Variants in TIMP3 observed in about 807,000 individuals in gnomAD.
TIMP3 encodes TIMP metallopeptidase inhibitor 3, also known as metalloproteinase inhibitor 3.
In TIMP3, 11 loss-of-function variants were observed where a neutral mutation model predicts 30.0. That is an observed-to-expected ratio of 0.37 (90% CI 0.23 to 0.61). TIMP3 has a LOEUF of 0.61. Among genes scored for constraint, TIMP3 ranks in the 20% least tolerant of loss-of-function variants. TIMP3 has a pLI of 0.70. For missense variants in TIMP3, 181 were observed against 276.8 expected (o/e 0.65, Z 2.45); for synonymous variants, 112 against 111.3 (o/e 1.01, Z -0.04).
intron 1 of TIMP3, among the ~76,000 whole-genome samples, chr22:32,817,509 A>G (rs940926381): frequency 3.9e-5 from 6 of 152,204 alleles, no homozygotes; most frequent in African/African-American, 1.4e-4. Context: ...AGGAAGTATC[A>G]TCTGCATTAC....
intron 1 of TIMP3, among the ~76,000 whole-genome samples, chr22:32,806,785 C>CATCT (rs130271): frequency 6.6e-6 from 1 of 151,852 alleles, no homozygotes; most frequent in East Asian, 1.9e-4. Flanking sequence ...TATCATTTAT[C>CATCT]ATCTATCTAT....
At chr22:32,805,088 T>C (rs1450306704) in intron 1 of TIMP3, among the ~76,000 whole-genome samples, 2 of 152,130 alleles carry the variant, frequency 1.3e-5, no homozygotes, top group Admixed American at 6.5e-5. Flanking sequence ...TGAGGGGGGT[T>C]GCAGCAGAGA....
intron 1 of TIMP3, among the ~76,000 whole-genome samples, chr22:32,807,389 T>G (rs2046787109): frequency 9.8e-6 from 1 of 102,320 alleles, no homozygotes; most frequent in Non-Finnish European, 1.9e-5. Flanking sequence ...ATATATATTA[T>G]ATATAATATA....
At chr22:32,859,123 C>T in intron 4 of TIMP3, 57 bp from the exon 5 acceptor site, 1 of 1,590,726 alleles carries the variant, frequency 6.3e-7, no homozygotes, top group South Asian at 1.1e-5. Context: ...TCGGTAGCCT[C>T]AGGCCTGGGC....
At chr22:32,812,095 G>T (rs561722709) in intron 1 of TIMP3, among the ~76,000 whole-genome samples, 1 of 152,144 alleles carries the variant, frequency 6.6e-6, no homozygotes, top group Non-Finnish European at 1.5e-5. Context: ...GACCTCCCTG[G>T]GTTTGGTCTC....
At chr22:32,818,770 C>T (rs929256527) in intron 1 of TIMP3, among the ~76,000 whole-genome samples, 7 of 152,120 alleles carry the variant, frequency 4.6e-5, no homozygotes, top group African/African-American at 1.7e-4. Context: ...ACTGCTTCCA[C>T]CTGGATCTGG....
chr22:32,812,738 C>T (rs2046948403), intron 1 of TIMP3, among the ~76,000 whole-genome samples: 2 of 152,156 alleles, frequency 1.3e-5, no homozygotes, highest in Admixed American at 1.3e-4. Flanking sequence ...CTGATGGAAC[C>T]TTTGTTTAAG....
intron 2 of TIMP3, among the ~76,000 whole-genome samples, chr22:32,856,882 A>C (rs1161160149): frequency 6.6e-6 from 1 of 152,080 alleles, no homozygotes; most frequent in Non-Finnish European, 1.5e-5. Context: ...TTACTTTCTT[A>C]GCTCCCACAT....
chr22:32,822,931 A>AC (rs1246571332), intron 1 of TIMP3, among the ~76,000 whole-genome samples: 2 of 10,472 alleles, frequency 1.9e-4, no homozygotes, highest in Non-Finnish European at 3.6e-4. Context: ...AACAACAACA[A>AC]AAAAAAAACA....
intron 1 of TIMP3, among the ~76,000 whole-genome samples, chr22:32,803,026 AGGCTTGTCTGGGAGTGTTTG>A (rs1023077083): frequency 2.6e-5 from 4 of 151,938 alleles, no homozygotes; most frequent in Admixed American, 2.6e-4. Context: ...GCATCCTGGG[AGGCTTGTCTGGGAGTGTTTG>A]GGACACTTGT....
chr22:32,817,144 C>A (rs182485358), intron 1 of TIMP3, among the ~76,000 whole-genome samples: 1 of 151,498 alleles, frequency 6.6e-6, no homozygotes, highest in Admixed American at 6.6e-5. Flanking sequence ...CTTGAGTCCA[C>A]GAGGTTGAGG....
chr22:32,856,635 C>T (rs1046763092), intron 2 of TIMP3, among the ~76,000 whole-genome samples: 4 of 152,172 alleles, frequency 2.6e-5, no homozygotes, highest in Non-Finnish European at 5.9e-5. Flanking sequence ...TATTCATAAC[C>T]TTAAACATTT....
chr22:32,831,146 T>G (rs1445317015), intron 1 of TIMP3, among the ~76,000 whole-genome samples: 1 of 152,142 alleles, frequency 6.6e-6, no homozygotes, highest in Non-Finnish European at 1.5e-5. Context: ...GCGTGACCCT[T>G]ATGCCTCAAG....
rs144741247 is a variant in TIMP3 at position 32,821,867 on chromosome 22, A to C, written c.121+19745A>C. ...TCCCTGCTTCTGATTATTCTGTAAG[A>C]AGTTGAGGCCGAGCGCAGTGGCTCA... On this transcript the variant is annotated intron_variant, in intron 1 of 4. Coordinates refer to ENST00000266085, the MANE Select transcript of TIMP3 (RefSeq NM_000362.5). Among the ~76,000 whole-genome samples, 30 of 152,272 alleles carry C rather than the reference A, an allele frequency of 2.0e-4. No individual in the cohort carries two copies. The East Asian group carries it at 4.4e-3, about 23-fold the overall frequency.
chr22:32,812,283 G>A (rs749656085), intron 1 of TIMP3, among the ~76,000 whole-genome samples: 4 of 152,108 alleles, frequency 2.6e-5, no homozygotes, highest in Non-Finnish European at 4.4e-5. Flanking sequence ...TTAGAAATAT[G>A]GTCTATTAAG....
At chr22:32,827,353 G>A (rs1211530691) in intron 1 of TIMP3, among the ~76,000 whole-genome samples, 1 of 152,196 alleles carries the variant, frequency 6.6e-6, no homozygotes, top group Non-Finnish European at 1.5e-5. Context: ...AGCTCAGGCT[G>A]GGCAGAATCT....
intron 4 of TIMP3, among the ~76,000 whole-genome samples, 187 bp downstream of exon 4, chr22:32,858,325 G>A (rs1196115689): frequency 6.6e-6 from 1 of 152,204 alleles, no homozygotes; most frequent in East Asian, 1.9e-4. Context: ...AGTGAGGAAG[G>A]CAGGGAAGGA....
chr22:32,838,119 G>A (rs925648897), intron 1 of TIMP3, among the ~76,000 whole-genome samples: 1 of 152,170 alleles, frequency 6.6e-6, no homozygotes, highest in Non-Finnish European at 1.5e-5. Context: ...GCTTCTTAAA[G>A]GTAGGAACCT....
At chr22:32,839,595 A>T (rs1284413752) in intron 1 of TIMP3, among the ~76,000 whole-genome samples, 3 of 152,138 alleles carry the variant, frequency 2.0e-5, no homozygotes, top group Admixed American at 2.0e-4. Context: ...AGGTATCTGT[A>T]CCTTTCTTCC....
Sources: gnomAD v4.1 joint callset for allele counts (sites outside exome capture counted in the v4.1 genomes callset) on GRCh38, gnomAD v4.1.1 for gene constraint, MANE v1.5 for transcripts, NCBI Gene and HGNC (gene_info 2026-07-23, HGNC 2026-07-21) for gene names.